CHN2: variants seen among roughly 807,000 people sequenced by gnomAD.
CHN2 encodes beta-chimaerin.
Under a neutral mutation model 56.3 loss-of-function variants are expected in CHN2, and 35 were observed. That is an observed-to-expected ratio of 0.62 (90% CI 0.47 to 0.82). The LOEUF (loss-of-function observed/expected upper bound fraction) is 0.82, where lower values mean the gene tolerates loss of function less well. Among genes scored for constraint, CHN2 ranks in the 40% least tolerant of loss-of-function variants. The probability of loss-of-function intolerance (pLI) is 0.00; values close to 1 mark genes in which losing one functional copy is unlikely to be tolerated. For synonymous variants in CHN2, 210 were observed against 212.8 expected, an observed-to-expected ratio of 0.99 and a Z score of 0.12; for missense variants, 491 against 580.5, an observed-to-expected ratio of 0.85 and a Z score of 1.58.
intron 1 of CHN2, among the ~76,000 whole-genome samples, chr7:29,352,239 C>T (rs1040969860): frequency 6.6e-6 from 1 of 152,128 alleles, no homozygotes; most frequent in Non-Finnish European, 1.5e-5. Context: ...TTGACCACTT[C>T]TTGGTCTGGA....
At chr7:29,367,065 G>T (rs7811771) in intron 2 of CHN2, among the ~76,000 whole-genome samples, 130,762 of 152,152 alleles carry the variant, frequency 0.86, 56,310 homozygotes, top group East Asian at 0.99. Context: ...ATTCTGAAGA[G>T]AACATCAACT....
chr7:29,256,821 C>G (rs245978), intron 1 of CHN2, among the ~76,000 whole-genome samples: 52,471 of 151,920 alleles, frequency 0.35, 10,430 homozygotes, highest in East Asian at 0.72. Context: ...ATCGCCCCCC[C>G]ACCACGATCC....
At chr7:29,365,053 C>T (rs1305299755) in intron 2 of CHN2, among the ~76,000 whole-genome samples, 1 of 152,060 alleles carries the variant, frequency 6.6e-6, no homozygotes, top group Non-Finnish European at 1.5e-5. Context: ...GAGTATTGTT[C>T]CAGGTCAGTG....
chr7:29,222,718 A>G (rs534592138), intron 1 of CHN2, among the ~76,000 whole-genome samples: 2 of 152,350 alleles, frequency 1.3e-5, no homozygotes, highest in Admixed American at 6.5e-5. Flanking sequence ...AATAAAAATC[A>G]GTTAATTTTT....
chr7:29,498,925 C>A (rs1251890237), intron 8 of CHN2, among the ~76,000 whole-genome samples: 2 of 152,016 alleles, frequency 1.3e-5, no homozygotes, highest in Non-Finnish European at 2.9e-5. Flanking sequence ...CCATGCCCAG[C>A]TAATTTTGTA....
At chr7:29,292,509 A>T (rs745405887) in intron 1 of CHN2, among the ~76,000 whole-genome samples, 3 of 152,262 alleles carry the variant, frequency 2.0e-5, no homozygotes, top group Non-Finnish European at 2.9e-5. Flanking sequence ...GCCAATTGGC[A>T]TATTGGAACA....
At chr7:29,206,812 A>T (rs1784552986) in intron 1 of CHN2, among the ~76,000 whole-genome samples, 1 of 152,172 alleles carries the variant, frequency 6.6e-6, no homozygotes, top group African/African-American at 2.4e-5. Flanking sequence ...ACCAGGGATG[A>T]GCCTGGAAAA....
chr7:29,279,351 T>C (rs1791490991), intron 1 of CHN2, among the ~76,000 whole-genome samples: 1 of 152,234 alleles, frequency 6.6e-6, no homozygotes, highest in Non-Finnish European at 1.5e-5. Flanking sequence ...ACATATTGGA[T>C]TGAAGGAAAA....
chr7:29,149,314 C>G (rs920961141), intron 2 of CHN2, among the ~76,000 whole-genome samples: 6 of 151,450 alleles, frequency 4.0e-5, no homozygotes, highest in Non-Finnish European at 7.4e-5. Flanking sequence ...GCTTCAGCCC[C>G]CCGAGTAAGC....
chr7:29,302,500 C>CTTTTTTTTTTTTT (rs70980525), intron 1 of CHN2, among the ~76,000 whole-genome samples: 1 of 117,816 alleles, frequency 8.5e-6, no homozygotes. Context: ...AATTTTAATT[C>CTTTTTTTTTTTTT]TTTTTTTTTT....
intron 6 of CHN2, among the ~76,000 whole-genome samples, chr7:29,460,219 C>A (rs1785057952): frequency 1.3e-5 from 2 of 152,314 alleles, no homozygotes; most frequent in Non-Finnish European, 2.9e-5. Flanking sequence ...GCATTATTGG[C>A]CAGATAATTC....
intron 2 of CHN2, among the ~76,000 whole-genome samples, chr7:29,188,018 G>C (rs951930789): frequency 6.6e-6 from 1 of 152,196 alleles, no homozygotes; most frequent in Non-Finnish European, 1.5e-5. Context: ...CCCAGGCCTG[G>C]CTCCTATGTC....
At chr7:29,412,780 G>A (rs148311554) in intron 6 of CHN2, among the ~76,000 whole-genome samples, 1,712 of 151,782 alleles carry the variant, frequency 0.011, 37 homozygotes, top group African/African-American at 0.039. Flanking sequence ...GTATCTCTCA[G>A]ATCATTGGTA....
At chr7:29,305,284 C>T (rs891206870) in intron 1 of CHN2, among the ~76,000 whole-genome samples, 1 of 152,210 alleles carries the variant, frequency 6.6e-6, no homozygotes, top group South Asian at 2.1e-4. Flanking sequence ...CCTTATCCAA[C>T]AATGTTTTTT....
chr7:29,503,299 A>G (rs567564595), intron 9 of CHN2, among the ~76,000 whole-genome samples: 5 of 152,348 alleles, frequency 3.3e-5, no homozygotes, highest in South Asian at 4.1e-4. Context: ...GAAGGTGGCC[A>G]TCTATGAGCC....
chr7:29,495,113 T>C (rs1789129047), intron 7 of CHN2, among the ~76,000 whole-genome samples: 1 of 152,202 alleles, frequency 6.6e-6, no homozygotes, highest in Non-Finnish European at 1.5e-5. Flanking sequence ...AGACTGCCTA[T>C]GGTCATTTTA....
intron 9 of CHN2, among the ~76,000 whole-genome samples, chr7:29,500,492 G>C (rs79533330): frequency 0.14 from 21,933 of 152,082 alleles, 2,812 homozygotes; most frequent in African/African-American, 0.34. Flanking sequence ...GCCAGGTGTG[G>C]TGGTGCACAC....
chr7:29,188,531 A>C (rs567746751), intron 2 of CHN2, among the ~76,000 whole-genome samples: 1 of 149,782 alleles, frequency 6.7e-6, no homozygotes, highest in Non-Finnish European at 1.5e-5. Context: ...TCCTTTTTTT[A>C]TTTTTTTTTT....
chr7:29,272,997 A>T (rs1790789649), intron 1 of CHN2, among the ~76,000 whole-genome samples: 1 of 152,092 alleles, frequency 6.6e-6, no homozygotes, highest in Non-Finnish European at 1.5e-5. Flanking sequence ...AAAAATCCCT[A>T]ATATAATACA....
Sources: gnomAD v4.1 joint callset for allele counts (sites outside exome capture counted in the v4.1 genomes callset) on GRCh38, gnomAD v4.1.1 for gene constraint, MANE v1.5 for transcripts, NCBI Gene and HGNC (gene_info 2026-07-23, HGNC 2026-07-21) for gene names.